MICU1: variants seen among roughly 807,000 people sequenced by gnomAD.
MICU1 encodes calcium uptake protein 1, mitochondrial.
In MICU1, 45 loss-of-function variants were observed where a neutral mutation model predicts 56.8. The ratio of observed to expected loss-of-function variants is 0.79; its 90% CI spans 0.62 to 1.02. MICU1 has a LOEUF of 1.02. Among genes scored for constraint, MICU1 ranks in the 50% least tolerant of loss-of-function variants. The pLI is 0.00. For missense variants in MICU1, 504 were observed against 587.1 expected, an observed-to-expected ratio of 0.86 and a Z score of 1.46; for synonymous variants, 186 against 195.1, an observed-to-expected ratio of 0.95 and a Z score of 0.39.
At chr10:72,473,461 G>A (rs1866009193) in intron 8 of MICU1, among the ~76,000 whole-genome samples, 3 of 152,000 alleles carry the variant, frequency 2.0e-5, no homozygotes, top group Non-Finnish European at 2.9e-5. Flanking sequence ...TTTCTAACAT[G>A]CTTATTCCAG....
chr10:72,515,976 C>T (rs1867633887), intron 5 of MICU1, among the ~76,000 whole-genome samples: 1 of 152,132 alleles, frequency 6.6e-6, no homozygotes, highest in African/African-American at 2.4e-5. Context: ...GAAGATTCAT[C>T]CACACTGTAA....
chr10:72,409,891 G>A (rs950508507), intron 9 of MICU1, among the ~76,000 whole-genome samples: 37 of 152,238 alleles, frequency 2.4e-4, no homozygotes, highest in Admixed American at 8.5e-4. Context: ...TCAAGGAACA[G>A]ACTATTATCA....
chr10:72,408,957 G>T (rs879505949), intron 9 of MICU1, among the ~76,000 whole-genome samples: 2 of 151,758 alleles, frequency 1.3e-5, no homozygotes, highest in Non-Finnish European at 2.9e-5. Flanking sequence ...TTTCAAAAAC[G>T]GTTTAAAGAT....
At chr10:72,503,655 G>C (rs1867149223) in intron 6 of MICU1, among the ~76,000 whole-genome samples, 1 of 151,878 alleles carries the variant, frequency 6.6e-6, no homozygotes, top group African/African-American at 2.4e-5. Context: ...ATCCAAATAG[G>C]GAAATAAGAA....
intron 5 of MICU1, among the ~76,000 whole-genome samples, chr10:72,513,304 C>T (rs1489913195): frequency 1.3e-5 from 2 of 152,200 alleles, no homozygotes; most frequent in East Asian, 1.9e-4. Flanking sequence ...CCCCTAATAC[C>T]TAATGATGCT....
chr10:72,524,836 T>C, intron 5 of MICU1: 2 of 840,968 alleles, frequency 2.4e-6, no homozygotes, highest in Non-Finnish European at 3.2e-6. Context: ...AAACATAATA[T>C]ACAAAGAAAC....
chr10:72,538,397 C>T (rs1399611323), intron 4 of MICU1, among the ~76,000 whole-genome samples: 2 of 152,050 alleles, frequency 1.3e-5, no homozygotes, highest in South Asian at 2.1e-4. Context: ...CAATAACATG[C>T]AGAGATGATA....
chr10:72,414,448 A>G (rs1863919438), intron 9 of MICU1, among the ~76,000 whole-genome samples: 1 of 152,228 alleles, frequency 6.6e-6, no homozygotes, highest in Non-Finnish European at 1.5e-5. Context: ...AGACTACCTT[A>G]TTATTGTATT....
chr10:72,622,515 A>G (rs1842129316), intron 1 of MICU1, among the ~76,000 whole-genome samples: 2 of 152,212 alleles, frequency 1.3e-5, no homozygotes, highest in South Asian at 4.1e-4. Flanking sequence ...TGAAACTACC[A>G]TACAGTGGTG....
intron 8 of MICU1, among the ~76,000 whole-genome samples, chr10:72,437,156 A>G (rs1046582126): frequency 1.3e-5 from 2 of 152,162 alleles, no homozygotes; most frequent in Middle Eastern, 3.2e-3. Context: ...AGAAAGGTTG[A>G]GTTACCCACA....
At chr10:72,558,481 G>A (rs1007272493) in intron 3 of MICU1, among the ~76,000 whole-genome samples, 1 of 152,108 alleles carries the variant, frequency 6.6e-6, no homozygotes, top group African/African-American at 2.4e-5. Flanking sequence ...ATGAACCAGA[G>A]CTAAATTCAT....
chr10:72,382,439 G>A (rs1053275856), intron 10 of MICU1, among the ~76,000 whole-genome samples: 37 of 152,248 alleles, frequency 2.4e-4, no homozygotes, highest in African/African-American at 7.9e-4. Flanking sequence ...GGAGAAAAGA[G>A]ACCAACTGCG....
chr10:72,389,950 C>T (rs927316208), intron 10 of MICU1, among the ~76,000 whole-genome samples: 2 of 152,168 alleles, frequency 1.3e-5, no homozygotes, highest in East Asian at 1.9e-4. Context: ...GCCCAGTGTG[C>T]GTACGAATGA....
intron 1 of MICU1, among the ~76,000 whole-genome samples, chr10:72,591,463 A>G (rs980807313): frequency 2.6e-5 from 4 of 152,146 alleles, no homozygotes; most frequent in African/African-American, 7.2e-5. Context: ...AATAAAAAAA[A>G]TCAACACACC....
chr10:72,411,577 C>T (rs537092559), intron 9 of MICU1, among the ~76,000 whole-genome samples: 11 of 152,094 alleles, frequency 7.2e-5, no homozygotes, highest in South Asian at 4.2e-4. Context: ...GTGATCCACC[C>T]GCCTCGGCCT....
chr10:72,375,947 G>T, intron 10 of MICU1, 75 bp from the exon 11 acceptor site: 2 of 1,321,192 alleles, frequency 1.5e-6, no homozygotes, highest in South Asian at 2.5e-5. Context: ...GGGATAAAAC[G>T]ACTCAGTCAT....
chr10:72,372,474 A>G (rs1281013511), intron 11 of MICU1, among the ~76,000 whole-genome samples: 2 of 152,182 alleles, frequency 1.3e-5, no homozygotes, highest in Non-Finnish European at 2.9e-5. Flanking sequence ...TAAAAAAACA[A>G]AAACAAATTT....
chr10:72,420,287 C>G (rs1864115304), intron 9 of MICU1, among the ~76,000 whole-genome samples: 1 of 152,102 alleles, frequency 6.6e-6, no homozygotes, highest in African/African-American at 2.4e-5. Flanking sequence ...TCTCCAACTC[C>G]CAACCTCAGG....
chr10:72,489,612 T>TTA (rs1471250643), intron 6 of MICU1, among the ~76,000 whole-genome samples: 1 of 152,190 alleles, frequency 6.6e-6, no homozygotes, highest in Non-Finnish European at 1.5e-5. Context: ...CTTTGCAAAC[T>TTA]TAAGTCTCTG....
Sources: gnomAD v4.1 joint callset for allele counts (sites outside exome capture counted in the v4.1 genomes callset) on GRCh38, gnomAD v4.1.1 for gene constraint, MANE v1.5 for transcripts, NCBI Gene and HGNC (gene_info 2026-07-23, HGNC 2026-07-21) for gene names.